Variants in SLC8A2 observed in about 807,000 individuals in gnomAD.
SLC8A2 encodes the protein solute carrier family 8 member A2.
A neutral mutation model predicts 70.2 loss-of-function variants in SLC8A2; 14 were observed. The observed-to-expected ratio is 0.20, with a 90% CI of 0.13 to 0.31. The LOEUF is 0.31. Ranked by LOEUF, SLC8A2 falls within the 10% of genes least tolerant of loss-of-function variation. The pLI, the probability that SLC8A2 is intolerant of heterozygous loss-of-function variation, is 1.00. For missense variants in SLC8A2, 779 were observed against 1,320.1 expected (o/e 0.59, Z 6.35); for synonymous variants, 575 against 594.3 (o/e 0.97, Z 0.47).
chr19:47,429,658 TG>T lies in SLC8A2; in HGVS notation c.*430del. ...AGGGTCCCCCAGGGAGGGTGGGTTC[TG>T]AGGCTCTGGGACATGGGGTGAAGTG... On this transcript the variant is annotated 3_prime_UTR_variant, in exon 10 of 10. Coordinates refer to ENST00000236877, the MANE Select transcript of SLC8A2 (RefSeq NM_015063.3). 6.2e-6 allele frequency: 1 copy of T among 161,966 alleles called. No individual in the cohort carries two copies. The highest frequency in any genetic ancestry group is 2.8e-5 in the African/African-American group (1 of 35,412). 10.0% of individuals were successfully genotyped at this position (161,966 alleles called of 1,614,324 possible). A position where few individuals can be genotyped will look rare whatever the true frequency, so the allele number is the denominator to read the frequency against.
intron 3 of SLC8A2, among the ~76,000 whole-genome samples, chr19:47,456,396 G>A (rs975632676): frequency 1.3e-5 from 2 of 152,196 alleles, no homozygotes; most frequent in Admixed American, 1.3e-4. Flanking sequence ...CCGGATGATG[G>A]CTCATGCTTG....
intron 1 of SLC8A2, among the ~76,000 whole-genome samples, chr19:47,467,689 G>A (rs1461764737): frequency 6.6e-6 from 1 of 151,896 alleles, no homozygotes; most frequent in African/African-American, 2.4e-5. Context: ...GTCTTATCTG[G>A]GTTTCCTTTT....
At chr19:47,453,213 CTT>C (rs1967265636) in intron 3 of SLC8A2, among the ~76,000 whole-genome samples, 2 of 152,124 alleles carry the variant, frequency 1.3e-5, no homozygotes, top group Non-Finnish European at 2.9e-5. Context: ...CTGTGGGAAA[CTT>C]AGAAAAAGAA....
intron 3 of SLC8A2, among the ~76,000 whole-genome samples, chr19:47,454,538 G>A (rs755731123): frequency 6.6e-6 from 1 of 152,184 alleles, no homozygotes; most frequent in Non-Finnish European, 1.5e-5. Flanking sequence ...TGTAGTCCCA[G>A]CTACTTTGGA....
In SLC8A2 at chr19:47,448,701, TCC is replaced by T. The variant is rs1967200017; in HGVS notation, c.1341-472_1341-471del. On this transcript the variant is annotated intron_variant, in intron 3 of 9. Transcript: ENST00000236877. The surrounding 1 kb of genome is among the most constrained non-coding windows in gnomAD (Gnocchi z 4.8). ...AAAATGCAGATTCTGGTTTAGAAGC[TCC>T]CGGGTTTCTAGAATCGCATTTCTAA... Among the ~76,000 whole-genome samples, 1 of 152,100 alleles carries T rather than the reference TCC, an allele frequency of 6.6e-6. No homozygotes were observed. Among genetic ancestry groups the T allele is most frequent in the Non-Finnish European group, 1.5e-5 (1 of 68,018 alleles).
At chr19:47,467,353 A>G (rs545899544) in intron 1 of SLC8A2, among the ~76,000 whole-genome samples, 1 of 152,152 alleles carries the variant, frequency 6.6e-6, no homozygotes, top group African/African-American at 2.4e-5. Context: ...ATGGTCTCCA[A>G]CTCGGCCCTT....
chr19:47,430,397 C>T lies in SLC8A2; in HGVS notation c.2458G>A (p.Gly820Ser), dbSNP rs1966940868. 1 of 1,610,594 alleles carries T rather than the reference C, an allele frequency of 6.2e-7. No individual in the cohort carries two copies. Among genetic ancestry groups the T allele is most frequent in the Non-Finnish European group, 8.5e-7 (1 of 1,179,144 alleles). Residue 820 changes from glycine (G) to serine (S), a missense_variant, in exon 10 of 10, where the codon GGC (glycine) becomes AGC (serine). Gly to Ser is a moderately conservative substitution (Grantham distance 56). Coordinates refer to ENST00000236877, the MANE Select transcript of SLC8A2 (RefSeq NM_015063.3). This position sits in a 1 kb window ranked among gnomAD's most constrained non-coding sequence, Gnocchi z 5.9. ...AGGAACACGTTCACCGCGTTGGAGC[C>T]GGTCACGTTGCCGATGGACGCGTCG... ...CADASIGNVTGSNAVNVFLGL... is the reference protein window; with the variant it reads ...CADASIGNVTSSNAVNVFLGL...
intron 4 of SLC8A2, among the ~76,000 whole-genome samples, chr19:47,444,143 C>A (rs1393943938): frequency 3.9e-5 from 6 of 152,144 alleles, no homozygotes; most frequent in Non-Finnish European, 7.4e-5. Flanking sequence ...GATCCTCCCA[C>A]CTTGGCCTCC....
Position 47,429,712 on chromosome 19 carries a change from C to G in SLC8A2, c.*377G>C. ...GGGGGGGTCACTAGGGGAAGGGAGA[C>G]TTTGGGGGCAAAGCCAGGCTGGGTG... On this transcript the variant is annotated 3_prime_UTR_variant, in exon 10 of 10. Transcript: ENST00000236877. The G allele has an allele frequency of 4.7e-6, 1 of 214,388 alleles. No individual in the cohort carries two copies. The allele number at this position is 214,388 out of a possible 1,614,324, so 13.3% of individuals were successfully genotyped here.
At position 47,432,338 on chromosome 19, in the gene SLC8A2, C is replaced by T. The variant is rs769804493; in HGVS notation, c.2218G>A (p.Val740Met). 9.3e-6 allele frequency: 15 copies of T among 1,614,118 alleles called. No individual in the cohort carries two copies. The highest frequency in any genetic ancestry group is 1.2e-5 in the Non-Finnish European group (14 of 1,180,040). The change falls in exon 9 of 10, where the codon GTG (valine) becomes ATG (methionine). Residue 740 changes from valine to methionine, a missense_variant. Coordinates refer to ENST00000236877, the MANE Select transcript of SLC8A2 (RefSeq NM_015063.3). The surrounding 1 kb of genome is among the most constrained non-coding windows in gnomAD (Gnocchi z 6.2). Reference protein sequence around the residue: ...TVFWKVLFACVPPTEYCHGWA... With the variant: ...TVFWKVLFACMPPTEYCHGWA... ...CCGTGGCAGTACTCGGTGGGGGGCACACAGGCGAAGAGCACCTTCCAGAAC... is the reference window on the plus strand; with the variant it reads ...CCGTGGCAGTACTCGGTGGGGGGCATACAGGCGAAGAGCACCTTCCAGAAC...
intron 3 of SLC8A2, among the ~76,000 whole-genome samples, chr19:47,449,184 A>G (rs1204292375): frequency 6.6e-6 from 1 of 152,150 alleles, no homozygotes; most frequent in East Asian, 1.9e-4. Flanking sequence ...ATGGAGAGAA[A>G]CAGGAGGGTA....
rs1443520580 is a variant in SLC8A2 at position 47,448,806 on chromosome 19, A to T, written c.1341-575T>A. 6.6e-6 allele frequency among the ~76,000 whole-genome samples: 1 copy of T among 152,140 alleles called. No homozygotes were observed. Among genetic ancestry groups the T allele is most frequent in the South Asian group, 2.1e-4 (1 of 4,824 alleles). ...CAGAAAGGACTCTGTCATTCCTCTG[A>T]TAAAAACCCTTCCCAGATGCCCCCA... On this transcript the variant is annotated intron_variant, in intron 3 of 9. Transcript: ENST00000236877. The surrounding 1 kb of genome is among the most constrained non-coding windows in gnomAD (Gnocchi z 4.8).
At chr19:47,449,470 T>C (rs1247060628) in intron 3 of SLC8A2, among the ~76,000 whole-genome samples, 1 of 152,084 alleles carries the variant, frequency 6.6e-6, no homozygotes, top group Non-Finnish European at 1.5e-5. Context: ...TACAGGCGCC[T>C]GCCACCATGC....
intron 3 of SLC8A2, among the ~76,000 whole-genome samples, chr19:47,449,138 A>G (rs1017984953): frequency 1.3e-5 from 2 of 152,204 alleles, no homozygotes; most frequent in African/African-American, 4.8e-5. Flanking sequence ...AGAATGAACA[A>G]TAAACAAACA....
At chr19:47,441,951 A>C (rs1390744691) in intron 4 of SLC8A2, among the ~76,000 whole-genome samples, 1 of 152,090 alleles carries the variant, frequency 6.6e-6, no homozygotes, top group Non-Finnish European at 1.5e-5. Context: ...AAAATACAAA[A>C]ATTAGCTGGG....
rs1966946110 is a variant in SLC8A2 at position 47,430,675 on chromosome 19, T to C, written c.2390-210A>G. 6.6e-6 allele frequency among the ~76,000 whole-genome samples: 1 copy of C among 152,232 alleles called. No individual in the cohort carries two copies. Among genetic ancestry groups the C allele is most frequent in the Non-Finnish European group, 1.5e-5 (1 of 68,038 alleles). Reference sequence around the variant, plus strand: ...ACCGCTGCCGGCTTTCTATGGGACCTGCCGCCTGCTTTCTGTGGGATTCAT... The same window carrying C: ...ACCGCTGCCGGCTTTCTATGGGACCCGCCGCCTGCTTTCTGTGGGATTCAT... On this transcript the variant is annotated intron_variant, in intron 9 of 9. Coordinates refer to ENST00000236877, the MANE Select transcript of SLC8A2 (RefSeq NM_015063.3). This position sits in a 1 kb window ranked among gnomAD's most constrained non-coding sequence, Gnocchi z 5.9.
In SLC8A2 at chr19:47,432,698, A is replaced by C; in HGVS notation, c.2111-253T>G. 1 of 429,476 alleles carries C rather than the reference A, an allele frequency of 2.3e-6. No individual in the cohort carries two copies. The highest frequency in any genetic ancestry group is 4.1e-6 in the Non-Finnish European group (1 of 244,096). The allele number at this position is 429,476 out of a possible 1,614,324, so 26.6% of individuals were successfully genotyped here. A position where few individuals can be genotyped will look rare whatever the true frequency, so the allele number is the denominator to read the frequency against. ...GAATCCTTTGGATCTAAATATGGCTAAGTCAGCAGTAAAAACAGTTACTTC... is the reference window on the plus strand; with the variant it reads ...GAATCCTTTGGATCTAAATATGGCTCAGTCAGCAGTAAAAACAGTTACTTC... On this transcript the variant is annotated intron_variant, in intron 8 of 9. Coordinates refer to ENST00000236877, the MANE Select transcript of SLC8A2 (RefSeq NM_015063.3). This position sits in a 1 kb window ranked among gnomAD's most constrained non-coding sequence, Gnocchi z 6.2.
chr19:47,466,129 C>T lies in SLC8A2; in HGVS notation c.275G>A (p.Arg92His), dbSNP rs761837734. Residue 92 changes from arginine (R) to histidine (H), a missense_variant, in exon 2 of 10, where the codon CGT becomes CAT. Arg to His is a conservative substitution (Grantham distance 29). Coordinates refer to ENST00000236877, the MANE Select transcript of SLC8A2 (RefSeq NM_015063.3). The surrounding 1 kb of genome is among the most constrained non-coding windows in gnomAD (Gnocchi z 6.9). ...MFLGVSIIAD[R>H]FMAAIEVITS... ...GATGACCTCGATGGCCGCCATGAAA[C>T]GGTCGGCGATGATGGACACTCCCAG... is the stretch of plus-strand genomic sequence containing the variant. The T allele has an allele frequency of 4.3e-6, 7 of 1,614,110 alleles. No individual in the cohort carries two copies. The highest frequency in any genetic ancestry group is 5.9e-6 in the Non-Finnish European group (7 of 1,180,048).
chr19:47,467,567 G>A lies in SLC8A2; in HGVS notation c.-16-1148C>T, dbSNP rs114666186. On this transcript the variant is annotated intron_variant, in intron 1 of 9. Coordinates refer to ENST00000236877, the MANE Select transcript of SLC8A2 (RefSeq NM_015063.3). Reference sequence around the variant, plus strand: ...AGTGGTGCAGTTCCTTAGGGGCTGTGACATCTAAGACCCTGTGCTGGGCTT... The same window carrying A: ...AGTGGTGCAGTTCCTTAGGGGCTGTAACATCTAAGACCCTGTGCTGGGCTT... Among the ~76,000 whole-genome samples the A allele has an allele frequency of 3.8e-3, 578 of 152,224 alleles. 5 individuals carry two copies. The highest frequency in any genetic ancestry group is 0.013 in the African/African-American group (557 of 41,538).
Sources: gnomAD v4.1 joint callset for allele counts (sites outside exome capture counted in the v4.1 genomes callset) on GRCh38, gnomAD v4.1.1 for gene constraint, Gnocchi (gnomAD v3.1) non-coding constraint, MANE v1.5 for transcripts, NCBI Gene and HGNC (gene_info 2026-07-23, HGNC 2026-07-21) for gene names.